The following ELF5 variants were observed in gnomAD, a reference collection of about 807,000 sequenced individuals.
The protein encoded by ELF5 is E74 like ETS transcription factor 5.
In ELF5, 31 loss-of-function variants were observed where a neutral mutation model predicts 38.2. The ratio of observed to expected loss-of-function variants is 0.81; its 90% CI spans 0.61 to 1.10. ELF5 has a LOEUF of 1.10. Among genes scored for constraint, ELF5 ranks in the 50% least tolerant of loss-of-function variants. The probability of loss-of-function intolerance (pLI) is 0.00; values close to 1 mark genes in which losing one functional copy is unlikely to be tolerated. For missense variants in ELF5, 300 were observed against 306.6 expected (o/e 0.98, Z 0.16); for synonymous variants, 121 against 112.5 (o/e 1.08, Z -0.48).
At chr11:34,504,768 T>TG (rs1850563963) in intron 2 of ELF5, among the ~76,000 whole-genome samples, 2 of 152,308 alleles carry the variant, frequency 1.3e-5, no homozygotes, top group South Asian at 2.1e-4. Context: ...AGAGGGTTTC[T>TG]GGGGGCAAAG....
intron 4 of ELF5, 120 bp downstream of exon 4, chr11:34,489,889 T>A: frequency 8.1e-7 from 1 of 1,230,844 alleles, no homozygotes. Flanking sequence ...CACTGCTTTC[T>A]CCAGGTCTGG....
intron 2 of ELF5, among the ~76,000 whole-genome samples, chr11:34,498,223 G>A (rs1361975828): frequency 6.6e-6 from 1 of 152,164 alleles, no homozygotes; most frequent in African/African-American, 2.4e-5. Context: ...TACATGGAAA[G>A]TACTTAGAAC....
At chr11:34,507,627 C>T (rs1850641262) in intron 1 of ELF5, among the ~76,000 whole-genome samples, 1 of 152,180 alleles carries the variant, frequency 6.6e-6, no homozygotes, top group African/African-American at 2.4e-5. Flanking sequence ...TTGCTGCTTC[C>T]CATGTTCCCA....
intron 2 of ELF5, among the ~76,000 whole-genome samples, chr11:34,499,689 GAA>G (rs1850408862): frequency 6.6e-6 from 1 of 152,226 alleles, no homozygotes; most frequent in East Asian, 1.9e-4. Context: ...GCAGTGGTAA[GAA>G]AGTTTGTGAA....
At chr11:34,511,621 C>T in intron 1 of ELF5, 1 of 1,612,218 alleles carries the variant, frequency 6.2e-7, no homozygotes, top group Non-Finnish European at 8.5e-7. Context: ...CTTCTCAGAG[C>T]TGGCTCACAC....
chr11:34,505,818 G>C (rs957567327), intron 1 of ELF5, 65 bp from the exon 2 acceptor site: 1 of 1,545,574 alleles, frequency 6.5e-7, no homozygotes, highest in Non-Finnish European at 8.7e-7. Context: ...CACTGTGCAG[G>C]AGCCCCTAGC....
intron 1 of ELF5, among the ~76,000 whole-genome samples, chr11:34,512,752 G>A (rs573751583): frequency 6.6e-6 from 1 of 152,218 alleles, no homozygotes; most frequent in South Asian, 2.1e-4. Flanking sequence ...ACTCCGGCCC[G>A]AGAATACCTT....
At chr11:34,509,617 G>A (rs1166975345) in intron 1 of ELF5, among the ~76,000 whole-genome samples, 2 of 150,992 alleles carry the variant, frequency 1.3e-5, no homozygotes, top group African/African-American at 2.4e-5. Context: ...CCTGAGTGAG[G>A]GGGGCAGGGA....
At chr11:34,487,954 T>C (rs1850048632) in intron 4 of ELF5, among the ~76,000 whole-genome samples, 3 of 152,304 alleles carry the variant, frequency 2.0e-5, no homozygotes, top group East Asian at 1.9e-4. Context: ...ACACCAAGAT[T>C]GTTCCACCTC....
chr11:34,488,384 G>T (rs899818388), intron 4 of ELF5, among the ~76,000 whole-genome samples: 1 of 152,146 alleles, frequency 6.6e-6, no homozygotes, highest in Non-Finnish European at 1.5e-5. Context: ...ACACACCTGG[G>T]TCATCTGTTG....
chr11:34,481,103 A>G, intron 5 of ELF5, 136 bp from the exon 6 acceptor site: 2 of 590,220 alleles, frequency 3.4e-6, no homozygotes, highest in Admixed American at 4.0e-5. Flanking sequence ...GCTCACTGCA[A>G]CCTCTGCCTC....
At chr11:34,501,144 G>T (rs1414346396) in intron 2 of ELF5, among the ~76,000 whole-genome samples, 2 of 152,148 alleles carry the variant, frequency 1.3e-5, no homozygotes, top group African/African-American at 4.8e-5. Flanking sequence ...GGTGTATTCT[G>T]GCTCCTGCAG....
intron 2 of ELF5, among the ~76,000 whole-genome samples, chr11:34,505,083 G>T (rs1318704834): frequency 6.6e-6 from 1 of 152,200 alleles, no homozygotes; most frequent in Non-Finnish European, 1.5e-5. Flanking sequence ...GGGTCAACTT[G>T]CATGGAGCTT....
intron 5 of ELF5, among the ~76,000 whole-genome samples, chr11:34,481,768 T>G (rs551652035): frequency 6.6e-6 from 1 of 152,312 alleles, no homozygotes; most frequent in East Asian, 1.9e-4. Flanking sequence ...GGTCCTGAAT[T>G]CACCTCTTCC....
chr11:34,485,482 G>A (rs1849965374), intron 4 of ELF5, among the ~76,000 whole-genome samples: 1 of 152,200 alleles, frequency 6.6e-6, no homozygotes, highest in African/African-American at 2.4e-5. Flanking sequence ...AGTGTGAATA[G>A]ACAACAAGCG....
rs1232114048 is a variant in ELF5 at position 34,479,708 on chromosome 11, C to G, written c.*510G>C. 2.0e-5 allele frequency: 3 copies of G among 152,142 alleles called. No homozygotes were observed. Among genetic ancestry groups the G allele is most frequent in the Non-Finnish European group, 2.9e-5 (2 of 68,146 alleles). The allele number at this position is 152,142 out of a possible 1,614,324, so 9.4% of individuals were successfully genotyped here. On this transcript the variant is annotated 3_prime_UTR_variant, in exon 7 of 7. Coordinates refer to ENST00000257832, the MANE Select transcript of ELF5 (RefSeq NM_001422.4). ...CGTCTCAAAAAAAAAAAAAGGGATA[C>G]TTTTCTATGGATTTTTGACTTTAAT... is the stretch of plus-strand genomic sequence containing the variant.
intron 2 of ELF5, among the ~76,000 whole-genome samples, chr11:34,500,847 C>T (rs1445626281): frequency 6.6e-6 from 1 of 151,906 alleles, no homozygotes; most frequent in Non-Finnish European, 1.5e-5. Flanking sequence ...ATGCCTCTTT[C>T]TCTGACCAGT....
intron 4 of ELF5, among the ~76,000 whole-genome samples, chr11:34,483,111 C>T (rs765535601): frequency 1.4e-4 from 22 of 151,822 alleles, no homozygotes; most frequent in Non-Finnish European, 2.5e-4. Flanking sequence ...TCAGGCTCTC[C>T]AGAAACGTGC....
rs11388919 is a variant in ELF5 at position 34,479,688 on chromosome 11, CA to C, written c.*529del. On this transcript the variant is annotated 3_prime_UTR_variant, in exon 7 of 7. Transcript: ENST00000257832. ...TGGGCAACATAGTGAGAACCCGTCTCAAAAAAAAAAAAAGGGATACTTTTCT... is the reference window on the plus strand; with the variant it reads ...TGGGCAACATAGTGAGAACCCGTCTCAAAAAAAAAAAAGGGATACTTTTCT... The C allele has an allele frequency of 0.038, 5,182 of 137,238 alleles. 101 individuals are homozygous for C. Among genetic ancestry groups the C allele is most frequent in the Middle Eastern group, 0.12 (33 of 264 alleles). 8.5% of individuals were successfully genotyped at this position (137,238 alleles called of 1,614,324 possible). A position where few individuals can be genotyped will look rare whatever the true frequency, so the allele number is the denominator to read the frequency against.
Sources: allele counts gnomAD v4.1 joint callset (sites outside exome capture counted in the v4.1 genomes callset), GRCh38; gene constraint gnomAD v4.1.1; transcripts MANE v1.5; gene names NCBI Gene and HGNC (gene_info 2026-07-23, HGNC 2026-07-21).